The following ATR variants were observed in gnomAD, a reference collection of about 807,000 sequenced individuals.
The protein encoded by ATR is ATR checkpoint kinase, also known as serine/threonine-protein kinase ATR.
ATR carries 142 observed loss-of-function variants against 305.3 expected under a neutral mutation model. The observed-to-expected ratio is 0.47, with a 90% confidence interval of 0.41 to 0.53. The LOEUF is 0.53. Among genes scored for constraint, ATR ranks in the 20% least tolerant of loss-of-function variants. The pLI is 0.00. For missense variants in ATR, 2,135 were observed against 3,133.1 expected (o/e 0.68, Z 7.60); for synonymous variants, 1,050 against 1,068.1 (o/e 0.98, Z 0.33).
At chr3:142,490,910 A>AT (rs1273466061) in intron 35 of ATR, among the ~76,000 whole-genome samples, 4 of 151,878 alleles carry the variant, frequency 2.6e-5, no homozygotes, top group Non-Finnish European at 5.9e-5. Context: ...ACTTTCCTAT[A>AT]TTTTTTTCCT....
intron 42 of ATR, among the ~76,000 whole-genome samples, chr3:142,460,084 T>G (rs1413811656): frequency 1.3e-5 from 2 of 152,160 alleles, no homozygotes; most frequent in African/African-American, 4.8e-5. Context: ...AGCAAGTTCT[T>G]TGAACTCTGA....
rs1233391162 is a variant in ATR at position 142,547,915 on chromosome 3, C to G, written c.3172-5G>C. On this transcript the variant is annotated splice_polypyrimidine_tract_variant and splice_region_variant and intron_variant, in intron 15 of 46. Transcript: ENST00000350721. ...CAGTTCAATTTCTGTTTCATTCTAA[C>G]CCAAAGACATGTTAAAAAAAATTTT... 2 of 1,613,622 alleles carry G rather than the reference C, an allele frequency of 1.2e-6. No homozygotes were observed. The highest frequency in any genetic ancestry group is 8.5e-7 in the Non-Finnish European group (1 of 1,179,846).
In ATR at chr3:142,553,246, T is replaced by C. The variant is rs1463033167; in HGVS notation, c.2786A>G (p.Tyr929Cys). ...TCTTACCTGACAGATGGGTTTCTTA[T>C]ACTGGCTGAAAAAACTTTGCAGTTT... The part of the protein sequence containing the change: ...SVKLQSFFSQ[Y>C]KKPICQFLVE... The change falls in exon 13 of 47, where the codon TAT becomes TGT. Residue 929 changes from tyrosine to cysteine, a missense_variant. This residue lies in a region of ATR where 530 missense variants were observed against 766.8 expected (regional missense o/e 0.69). Coordinates refer to ENST00000350721, the MANE Select transcript of ATR (RefSeq NM_001184.4). 1.2e-6 allele frequency: 2 copies of C among 1,614,060 alleles called. No individual in the cohort carries two copies. The highest frequency in any genetic ancestry group is 2.2e-5 in the East Asian group (1 of 44,890).
chr3:142,514,708 G>A (rs1437212265), intron 25 of ATR, among the ~76,000 whole-genome samples: 1 of 150,434 alleles, frequency 6.6e-6, no homozygotes, highest in African/African-American at 2.4e-5. Context: ...TCAGGAGGCT[G>A]AGGCGGGAGA....
chr3:142,522,915 T>C (rs1474288913), intron 22 of ATR, 74 bp from the exon 23 acceptor site: 1 of 1,145,542 alleles, frequency 8.7e-7, no homozygotes, highest in African/African-American at 1.5e-5. Flanking sequence ...GCTTTTTCCA[T>C]GGTGAATTTA....
At chr3:142,578,613 A>C (rs1401361610) in intron 1 of ATR, 33 bp downstream of exon 1, 1 of 1,603,248 alleles carries the variant, frequency 6.2e-7, no homozygotes, top group African/African-American at 1.3e-5. Context: ...TCAGCGGAGG[A>C]GGATGCAGGA....
chr3:142,559,584 A>G, intron 6 of ATR, 143 bp from the exon 7 acceptor site: 4 of 795,896 alleles, frequency 5.0e-6, no homozygotes, highest in Non-Finnish European at 6.1e-6. Context: ...AAATCAAGTA[A>G]TATGTTATTA....
intron 40 of ATR, chr3:142,465,642 A>G (rs1340332010): frequency 1.2e-5 from 2 of 160,248 alleles, no homozygotes; most frequent in African/African-American, 4.8e-5. Flanking sequence ...TTTTGAAAAA[A>G]CAAACTCCTT....
chr3:142,572,044 G>A (rs2035282759), intron 1 of ATR, among the ~76,000 whole-genome samples: 1 of 151,300 alleles, frequency 6.6e-6, no homozygotes, highest in South Asian at 2.1e-4. Context: ...GAGATTACAG[G>A]CGTGAGCCAC....
chr3:142,470,076 A>G lies in ATR; in HGVS notation c.6319+10T>C. The G allele has an allele frequency of 6.3e-7, 1 of 1,587,636 alleles. No individual in the cohort carries two copies. Among genetic ancestry groups the G allele is most frequent in the Non-Finnish European group, 8.6e-7 (1 of 1,157,592 alleles). On this transcript the variant is annotated intron_variant, in intron 37 of 46. Coordinates refer to ENST00000350721, the MANE Select transcript of ATR (RefSeq NM_001184.4). Reference sequence around the variant, plus strand: ...CTAGTCCTTTAAAACTTTTACGTGAAGAGTTATACCTTTTTCCCATTCATA... The same window carrying G: ...CTAGTCCTTTAAAACTTTTACGTGAGGAGTTATACCTTTTTCCCATTCATA...
chr3:142,556,503 G>A lies in ATR; in HGVS notation c.1958C>T (p.Thr653Ile), dbSNP rs756210333. Reference protein sequence around the residue: ...FPRRIFLEWRTAVYNWALQSS... With the variant: ...FPRRIFLEWRIAVYNWALQSS... ...CTGCAGGGCCCAGTTGTAAACTGCT[G>A]TTCTCCACTCAAGGAATATTCTTCT... The change falls in exon 9 of 47, where the codon ACA (threonine) becomes ATA (isoleucine). Residue 653 changes from threonine to isoleucine, a missense_variant. Coordinates refer to ENST00000350721, the MANE Select transcript of ATR (RefSeq NM_001184.4). 2.5e-5 allele frequency: 41 copies of A among 1,613,950 alleles called. No homozygotes were observed. The South Asian group carries it at 4.0e-4, about 16-fold the overall frequency.
chr3:142,516,526 C>T (rs930124244), intron 24 of ATR, among the ~76,000 whole-genome samples: 1 of 152,084 alleles, frequency 6.6e-6, no homozygotes, highest in African/African-American at 2.4e-5. Context: ...TTCAAACCAT[C>T]ACCACCCTCC....
chr3:142,500,961 A>G (rs2031928443), intron 30 of ATR, among the ~76,000 whole-genome samples: 1 of 152,232 alleles, frequency 6.6e-6, no homozygotes, highest in African/African-American at 2.4e-5. Context: ...TATAGCAAAA[A>G]GTACAAATGG....
chr3:142,518,949 T>C (rs1181096631), intron 24 of ATR, among the ~76,000 whole-genome samples: 1 of 152,192 alleles, frequency 6.6e-6, no homozygotes, highest in Admixed American at 6.5e-5. Flanking sequence ...GGTGAAAATA[T>C]ATTCATGAGG....
rs1158115459 is a variant in ATR at position 142,470,140 on chromosome 3, G to T, written c.6265C>A (p.Arg2089=). 5 of 1,610,754 alleles carry T rather than the reference G, an allele frequency of 3.1e-6. No individual in the cohort carries two copies. The highest frequency in any genetic ancestry group is 4.2e-6 in the Non-Finnish European group (5 of 1,178,132). ...GNQFIYQSMP[R]MLTLWLDYGT... is the part of the protein sequence containing the mutation. ...TAATCAAGCCATAGAGTTAACATTC[G>T]TGGCATTGACTGATATATGAACTGA... The change falls in exon 37 of 47, where the codon CGA becomes AGA. Residue 2089 remains arginine, a synonymous_variant. Coordinates refer to ENST00000350721, the MANE Select transcript of ATR (RefSeq NM_001184.4).
chr3:142,454,732 C>T (rs911793826), intron 45 of ATR, among the ~76,000 whole-genome samples: 1 of 152,136 alleles, frequency 6.6e-6, no homozygotes, highest in African/African-American at 2.4e-5. Context: ...TGAGCCACCG[C>T]GCCCGGCCCG....
Position 142,561,432 on chromosome 3 carries a change from A to G in ATR, c.1171-11T>C. On this transcript the variant is annotated splice_polypyrimidine_tract_variant and intron_variant, in intron 4 of 46. Coordinates refer to ENST00000350721, the MANE Select transcript of ATR (RefSeq NM_001184.4). Reference sequence around the variant, plus strand: ...TGGGCCCAACAAGTACTGAGAAAATAAAAAATAATTTCCAGAAATATTCCT... The same window carrying G: ...TGGGCCCAACAAGTACTGAGAAAATGAAAAATAATTTCCAGAAATATTCCT... The G allele has an allele frequency of 6.2e-7, 1 of 1,607,936 alleles. No individual in the cohort carries two copies. Among genetic ancestry groups the G allele is most frequent in the Non-Finnish European group, 8.5e-7 (1 of 1,175,844 alleles).
At chr3:142,544,452 CAAAA>C (rs57120276) in intron 16 of ATR, among the ~76,000 whole-genome samples, 37 of 18,964 alleles carry the variant, frequency 2.0e-3, no homozygotes, top group South Asian at 0.012. Context: ...ATCCTGCCTC[CAAAA>C]AAAAAAAAAA....
chr3:142,480,756 CTTTG>C (rs1417584416), intron 36 of ATR, among the ~76,000 whole-genome samples: 4 of 152,234 alleles, frequency 2.6e-5, no homozygotes, highest in African/African-American at 9.6e-5. Flanking sequence ...TTTCCAGCCA[CTTTG>C]TTTACCTACT....
Sources: gnomAD v4.1 joint callset for allele counts (sites outside exome capture counted in the v4.1 genomes callset) on GRCh38, gnomAD v4.1.1 for gene constraint, gnomAD v4.1.1 regional missense constraint, MANE v1.5 for transcripts, NCBI Gene and HGNC (gene_info 2026-07-23, HGNC 2026-07-21) for gene names.